The following DCK variants were observed in gnomAD, a reference collection of about 807,000 sequenced individuals.
DCK encodes deoxyadenosine kinase.
DCK carries 23 observed loss-of-function variants against 38.3 expected under a neutral mutation model. The observed-to-expected ratio is 0.60, with a 90% CI of 0.43 to 0.85. The LOEUF (loss-of-function observed/expected upper bound fraction) is 0.85, where lower values mean the gene tolerates loss of function less well. DCK is among the 40% of genes least tolerant of loss of function. The pLI, the probability that DCK is intolerant of heterozygous loss-of-function variation, is 0.00. For missense variants in DCK, 259 were observed against 304.4 expected (o/e 0.85, Z 1.11); for synonymous variants, 108 against 100.6 (o/e 1.07, Z -0.44).
chr4:71,019,811 G>T (rs1376783570), intron 2 of DCK, among the ~76,000 whole-genome samples: 1 of 151,580 alleles, frequency 6.6e-6, no homozygotes, highest in African/African-American at 2.4e-5. Context: ...TTTCTGAGAT[G>T]AAGTCTTGCT....
intron 1 of DCK, among the ~76,000 whole-genome samples, chr4:70,995,753 C>G (rs1258075222): frequency 1.3e-5 from 2 of 152,112 alleles, no homozygotes; most frequent in East Asian, 3.8e-4. Flanking sequence ...TATATCATCC[C>G]ATCTCCAGTT....
intron 2 of DCK, among the ~76,000 whole-genome samples, chr4:71,007,091 A>G (rs867924322): frequency 6.6e-5 from 10 of 152,206 alleles, no homozygotes; most frequent in Non-Finnish European, 1.3e-4. Flanking sequence ...GGCATAGCTA[A>G]CTTTAGACCT....
At chr4:71,019,984 C>G (rs1341072720) in intron 2 of DCK, among the ~76,000 whole-genome samples, 1 of 152,122 alleles carries the variant, frequency 6.6e-6, no homozygotes, top group Admixed American at 6.5e-5. Flanking sequence ...GACAGGGTTT[C>G]ACCATGTTGG....
At chr4:71,014,628 G>C (rs918120904) in intron 2 of DCK, among the ~76,000 whole-genome samples, 3 of 152,162 alleles carry the variant, frequency 2.0e-5, no homozygotes, top group Non-Finnish European at 4.4e-5. Flanking sequence ...ACTCAAAACC[G>C]CTCAACTACA....
chr4:71,023,448 G>T, intron 3 of DCK, 111 bp from the exon 4 acceptor site: 1 of 713,108 alleles, frequency 1.4e-6, no homozygotes. Context: ...GCTTTCCACG[G>T]CACTATGTGC....
Position 71,025,853 on chromosome 4 carries a change from A to T in DCK, c.587A>T (p.Glu196Val). 1 of 1,611,374 alleles carries T rather than the reference A, an allele frequency of 6.2e-7. No homozygotes were observed. The highest frequency in any genetic ancestry group is 1.7e-5 in the Admixed American group (1 of 59,818). Residue 196 changes from glutamate (E) to valine (V), a missense_variant, in exon 5 of 7, where the codon GAA becomes GTA. Glu to Val is a moderately radical substitution (Grantham distance 121). This residue lies in a region of DCK where 82 missense variants were observed against 103.8 expected (regional missense o/e 0.79). Transcript: ENST00000286648. ...LHRIYLRGRNEEQGIPLEYLE... is the reference protein window; with the variant it reads ...LHRIYLRGRNVEQGIPLEYLE... ...AGAATATATTTACGGGGAAGAAATG[A>T]AGAGCAAGGCATTCCTCTTGAATAT...
Position 71,025,884 on chromosome 4 carries a change from GA to G in DCK, c.620del (p.Lys207SerfsTer15). ...EQGIPLEYLEKLHYKHESWLL... is the reference protein window; with the variant it reads ...EQGIPLEYLEXLHYKHESWLL... ...AAGGCATTCCTCTTGAATATTTAGAGAAGCTTCATTATAAACATGAAAGCTG... is the reference window on the plus strand; with the variant it reads ...AAGGCATTCCTCTTGAATATTTAGAGAGCTTCATTATAAACATGAAAGCTG... On this transcript the variant is annotated frameshift_variant, in exon 5 of 7. Transcript: ENST00000286648. LOFTEE classifies it high-confidence loss of function. 1 of 1,611,082 alleles carries G rather than the reference GA, an allele frequency of 6.2e-7. No individual in the cohort carries two copies. The highest frequency in any genetic ancestry group is 1.1e-5 in the South Asian group (1 of 90,320).
At chr4:71,014,157 CAA>C (rs1740187071) in intron 2 of DCK, among the ~76,000 whole-genome samples, 1 of 152,040 alleles carries the variant, frequency 6.6e-6, no homozygotes, top group Non-Finnish European at 1.5e-5. Context: ...CAACAAAGAT[CAA>C]AAGAGACAAA....
chr4:71,022,347 T>C lies in DCK; in HGVS notation c.208-20T>C, dbSNP rs1740445220. On this transcript the variant is annotated intron_variant, in intron 2 of 6. Coordinates refer to ENST00000286648, the MANE Select transcript of DCK (RefSeq NM_000788.3). The stretch of plus-strand genomic sequence containing the variant: ...GACCATTAATTTTGCTTTTTATTTC[T>C]TTTTGCACATTCAAAATAGGAACTT... 2.1e-6 allele frequency: 3 copies of C among 1,454,706 alleles called. No individual in the cohort carries two copies. Among genetic ancestry groups the C allele is most frequent in the Admixed American group, 5.0e-5 (2 of 40,282 alleles). The allele number at this position is 1,454,706 out of a possible 1,614,324, so 90.1% of individuals were successfully genotyped here.
At chr4:71,017,961 G>A (rs989277787) in intron 2 of DCK, among the ~76,000 whole-genome samples, 4 of 151,954 alleles carry the variant, frequency 2.6e-5, no homozygotes, top group Middle Eastern at 3.4e-3. Flanking sequence ...AATTAAAATC[G>A]TTGTTAAAAA....
At chr4:71,020,860 G>A (rs1740396485) in intron 2 of DCK, among the ~76,000 whole-genome samples, 2 of 152,010 alleles carry the variant, frequency 1.3e-5, no homozygotes, top group South Asian at 4.1e-4. Context: ...TATACAAGAT[G>A]AAGCTCATCT....
intron 2 of DCK, among the ~76,000 whole-genome samples, chr4:70,999,306 T>C (rs1297206281): frequency 6.6e-6 from 1 of 152,156 alleles, no homozygotes; most frequent in African/African-American, 2.4e-5. Context: ...TTGCTGAGAT[T>C]GATGGTTTCC....
At chr4:71,024,345 T>TG (rs1175194444) in intron 4 of DCK, among the ~76,000 whole-genome samples, 1 of 152,170 alleles carries the variant, frequency 6.6e-6, no homozygotes, top group Non-Finnish European at 1.5e-5. Flanking sequence ...TAGTTACATA[T>TG]GATGTTATAT....
intron 2 of DCK, among the ~76,000 whole-genome samples, chr4:71,018,878 C>T (rs1740339967): frequency 6.6e-6 from 1 of 151,828 alleles, no homozygotes; most frequent in Non-Finnish European, 1.5e-5. Context: ...CGCCATGTTG[C>T]CCAGGCTGGT....
In DCK at chr4:71,026,705, C is replaced by A; in HGVS notation, c.706C>A (p.Leu236Met). Residue 236 changes from leucine (L) to methionine (M), a missense_variant, in exon 6 of 7, where the codon CTG becomes ATG. Coordinates refer to ENST00000286648, the MANE Select transcript of DCK (RefSeq NM_000788.3). ...DYLQEVPILT[L>M]DVNEDFKDKY... ...TCTTCAAGAGGTGCCTATCTTAACA[C>A]TGGATGTTAATGAAGACTTTAAAGA... 1 of 1,583,886 alleles carries A rather than the reference C, an allele frequency of 6.3e-7. No individual in the cohort carries two copies. Among genetic ancestry groups the A allele is most frequent in the Non-Finnish European group, 8.7e-7 (1 of 1,155,866 alleles).
intron 2 of DCK, among the ~76,000 whole-genome samples, chr4:71,014,811 T>G (rs1007891117): frequency 2.0e-5 from 3 of 152,002 alleles, no homozygotes; most frequent in Non-Finnish European, 4.4e-5. Context: ...GCCCACAAGA[T>G]AAAGCAGGAG....
At chr4:71,019,426 C>G (rs1315026356) in intron 2 of DCK, among the ~76,000 whole-genome samples, 1 of 151,860 alleles carries the variant, frequency 6.6e-6, no homozygotes, top group East Asian at 1.9e-4. Context: ...TCATCTGAAC[C>G]ATTTTTAAGT....
chr4:71,014,447 C>G (rs758088146), intron 2 of DCK, among the ~76,000 whole-genome samples: 23 of 152,208 alleles, frequency 1.5e-4, no homozygotes, highest in Non-Finnish European at 2.8e-4. Context: ...ACTCTCCACC[C>G]CAAATCAACA....
At chr4:71,022,921 G>A (rs191789738) in intron 3 of DCK, among the ~76,000 whole-genome samples, 2 of 152,158 alleles carry the variant, frequency 1.3e-5, no homozygotes, top group East Asian at 3.9e-4. Flanking sequence ...TCTCTAAGGG[G>A]CCTTAGAATT....
Sources: allele counts gnomAD v4.1 joint callset (sites outside exome capture counted in the v4.1 genomes callset), GRCh38; gene constraint gnomAD v4.1.1; regional missense constraint gnomAD v4.1.1; transcripts MANE v1.5; gene names NCBI Gene and HGNC (gene_info 2026-07-23, HGNC 2026-07-21).